EPHA6: variants seen among roughly 807,000 people sequenced by gnomAD.
The protein encoded by EPHA6 is ephrin type-A receptor 6.
A neutral mutation model predicts 112.0 loss-of-function variants in EPHA6; 50 were observed. The ratio of observed to expected loss-of-function variants is 0.45; its 90% CI spans 0.36 to 0.56. The LOEUF is 0.56. EPHA6 is among the 20% of genes least tolerant of loss of function. EPHA6 has a pLI of 0.00. For missense variants in EPHA6, 1,280 were observed against 1,417.4 expected, an observed-to-expected ratio of 0.90 and a Z score of 1.56; for synonymous variants, 529 against 490.7, an observed-to-expected ratio of 1.08 and a Z score of -1.03.
At chr3:97,092,884 G>A (rs79718179) in intron 3 of EPHA6, among the ~76,000 whole-genome samples, 2,293 of 152,138 alleles carry the variant, frequency 0.015, 51 homozygotes, top group African/African-American at 0.053. Context: ...TATATCTATG[G>A]CTTAACCAAT....
intron 7 of EPHA6, among the ~76,000 whole-genome samples, chr3:97,471,097 A>G (rs1378255661): frequency 1.3e-5 from 2 of 151,760 alleles, no homozygotes; most frequent in Non-Finnish European, 1.5e-5. Flanking sequence ...TTGTAGCTCT[A>G]CTGTATTTTA....
intron 14 of EPHA6, among the ~76,000 whole-genome samples, chr3:97,680,552 A>G (rs2031781124): frequency 6.6e-6 from 1 of 152,198 alleles, no homozygotes; most frequent in African/African-American, 2.4e-5. Context: ...AAAGTGAAAA[A>G]CAGTTGAGTT....
intron 11 of EPHA6, among the ~76,000 whole-genome samples, chr3:97,550,266 A>T (rs2093011718): frequency 6.6e-6 from 1 of 152,240 alleles, no homozygotes. Flanking sequence ...CATCCATTTT[A>T]CTGCAGGGAC....
intron 10 of EPHA6, among the ~76,000 whole-genome samples, chr3:97,523,245 G>A (rs1304316270): frequency 1.3e-5 from 2 of 151,966 alleles, no homozygotes; most frequent in East Asian, 1.9e-4. Flanking sequence ...TCATTTGTCC[G>A]AGGATATTTT....
At chr3:97,227,410 G>A (rs1221668063) in intron 4 of EPHA6, among the ~76,000 whole-genome samples, 1 of 151,996 alleles carries the variant, frequency 6.6e-6, no homozygotes, top group Non-Finnish European at 1.5e-5. Context: ...TAGTAGAGAT[G>A]GGGTTTCACC....
intron 10 of EPHA6, among the ~76,000 whole-genome samples, chr3:97,531,051 T>C (rs1483408906): frequency 1.3e-5 from 2 of 152,072 alleles, no homozygotes; most frequent in Admixed American, 1.3e-4. Context: ...TTTAATTTCT[T>C]TCATCCTTCC....
chr3:97,485,232 C>G (rs2091670880), intron 10 of EPHA6, among the ~76,000 whole-genome samples: 1 of 152,106 alleles, frequency 6.6e-6, no homozygotes, highest in African/African-American at 2.4e-5. Context: ...TTTCAAAGTC[C>G]TTTTTCCTCC....
chr3:97,560,335 A>G (rs978690907), intron 11 of EPHA6: 1 of 152,036 alleles, frequency 6.6e-6, no homozygotes, highest in Non-Finnish European at 1.5e-5. Flanking sequence ...TAAGAACAGT[A>G]TGGGTTTTGT....
At position 97,612,377 on chromosome 3, in the gene EPHA6, G is replaced by A. The variant is rs555709843; in HGVS notation, c.2574+1523G>A. 1.1e-3 allele frequency: 445 copies of A among 412,294 alleles called. 5 individuals carry two copies. Among genetic ancestry groups the A allele is most frequent in the South Asian group, 7.6e-3 (422 of 55,498 alleles). The allele number at this position is 412,294 out of a possible 1,614,324, so 25.5% of individuals were successfully genotyped here. ...TTTTCTTCTTTTTATTTTTGTATCAGCTGTATCCTAAAGCAGAATATAATG... is the reference window on the plus strand; with the variant it reads ...TTTTCTTCTTTTTATTTTTGTATCAACTGTATCCTAAAGCAGAATATAATG... On this transcript the variant is annotated intron_variant, in intron 13 of 17. Transcript: ENST00000389672.
intron 3 of EPHA6, among the ~76,000 whole-genome samples, chr3:97,174,955 T>C (rs1387604805): frequency 2.0e-5 from 3 of 151,904 alleles, no homozygotes; most frequent in African/African-American, 7.2e-5. Context: ...GGGGTATTGC[T>C]CAAGATATTT....
intron 11 of EPHA6, among the ~76,000 whole-genome samples, chr3:97,557,398 T>C (rs1458059998): frequency 6.6e-6 from 1 of 151,994 alleles, no homozygotes. Flanking sequence ...TTCATCTCTT[T>C]TTCTGACAAT....
chr3:97,582,299 C>T (rs888536774), intron 11 of EPHA6, among the ~76,000 whole-genome samples: 12 of 152,068 alleles, frequency 7.9e-5, no homozygotes, highest in African/African-American at 2.9e-4. Flanking sequence ...AAAGTGCTAG[C>T]ATTGCAGGTG....
intron 5 of EPHA6, among the ~76,000 whole-genome samples, chr3:97,390,448 T>A (rs1234261012): frequency 1.3e-5 from 2 of 151,384 alleles, no homozygotes; most frequent in African/African-American, 2.4e-5. Flanking sequence ...AGAAGGAATT[T>A]CATATATATA....
intron 3 of EPHA6, among the ~76,000 whole-genome samples, chr3:97,058,832 C>T (rs1488813252): frequency 2.0e-5 from 3 of 152,134 alleles, no homozygotes; most frequent in Admixed American, 6.5e-5. Context: ...AGTGATTTAT[C>T]TTATGTCAGT....
chr3:97,307,213 C>A (rs111815929), intron 5 of EPHA6, among the ~76,000 whole-genome samples: 3 of 151,808 alleles, frequency 2.0e-5, no homozygotes, highest in African/African-American at 7.2e-5. Context: ...TTTTCCTCAT[C>A]CCCGCCCACT....
intron 5 of EPHA6, among the ~76,000 whole-genome samples, chr3:97,372,563 G>A (rs1162704027): frequency 6.6e-6 from 1 of 152,084 alleles, no homozygotes; most frequent in East Asian, 1.9e-4. Context: ...ATAGGAATAT[G>A]TAAACAACCT....
At chr3:97,131,592 G>A (rs750327259) in intron 3 of EPHA6, among the ~76,000 whole-genome samples, 1 of 152,058 alleles carries the variant, frequency 6.6e-6, no homozygotes, top group Non-Finnish European at 1.5e-5. Context: ...ATTCTTCCAA[G>A]AAAGGATAAT....
At chr3:97,559,414 A>G (rs1335384335) in intron 11 of EPHA6, among the ~76,000 whole-genome samples, 3 of 151,994 alleles carry the variant, frequency 2.0e-5, no homozygotes, top group Admixed American at 6.6e-5. Context: ...GGCAGGACAT[A>G]CAGCTCAAAA....
At chr3:97,253,492 C>G (rs992383269) in intron 5 of EPHA6, among the ~76,000 whole-genome samples, 2 of 152,070 alleles carry the variant, frequency 1.3e-5, no homozygotes, top group African/African-American at 4.8e-5. Context: ...AACATGTGTT[C>G]TAAAATATAA....
Sources: gnomAD v4.1 joint callset for allele counts (sites outside exome capture counted in the v4.1 genomes callset) on GRCh38, gnomAD v4.1.1 for gene constraint, MANE v1.5 for transcripts, NCBI Gene and HGNC (gene_info 2026-07-23, HGNC 2026-07-21) for gene names.